Variants in CDK8 observed in about 807,000 individuals in gnomAD.
The protein encoded by CDK8 is cyclin dependent kinase 8, also known as cyclin-dependent kinase 8.
CDK8 carries 29 observed loss-of-function variants against 71.5 expected under a neutral mutation model. The observed-to-expected ratio is 0.41, with a 90% CI of 0.30 to 0.55. The LOEUF (loss-of-function observed/expected upper bound fraction) is 0.55. Among genes scored for constraint, CDK8 ranks in the 20% least tolerant of loss-of-function variants. CDK8 has a pLI of 0.37. For synonymous variants in CDK8, 161 were observed against 192.1 expected, an observed-to-expected ratio of 0.84 and a Z score of 1.34; for missense variants, 288 against 572.6, an observed-to-expected ratio of 0.50 and a Z score of 5.07.
intron 1 of CDK8, among the ~76,000 whole-genome samples, chr13:26,332,043 C>T (rs2137964618): frequency 6.6e-6 from 1 of 152,174 alleles, no homozygotes; most frequent in East Asian, 1.9e-4. Flanking sequence ...GTTAGATTTA[C>T]TCCTGGGTAT....
In CDK8 at chr13:26,397,326, A is replaced by G. The variant is rs1050410161; in HGVS notation, c.933+101A>G. The stretch of plus-strand genomic sequence containing the variant: ...CAATTTATGTGGTTACTTAGCTAGC[A>G]CTCAGAGTGCTTTCATGGTAAATGC... On this transcript the variant is annotated intron_variant, in intron 9 of 12. Coordinates refer to ENST00000381527, the MANE Select transcript of CDK8 (RefSeq NM_001260.3). 1.5e-5 allele frequency: 10 copies of G among 678,202 alleles called. No homozygotes were observed. The African/African-American group carries it at 1.6e-4, about 11-fold the overall frequency. 42.0% of individuals were successfully genotyped at this position (678,202 alleles called of 1,614,324 possible).
rs1159755211 is a variant in CDK8 at position 26,254,681 on chromosome 13, G to A, written c.40G>A (p.Glu14Lys). 2 of 1,612,730 alleles carry A rather than the reference G, an allele frequency of 1.2e-6. No homozygotes were observed. The highest frequency in any genetic ancestry group is 1.1e-5 in the South Asian group (1 of 90,708). Residue 14 changes from glutamate (E) to lysine (K), a missense_variant, in exon 1 of 13, where the codon GAG becomes AAG. Glu to Lys is a moderately conservative substitution (Grantham distance 56). Around this residue, in one of 6 missense-constraint regions of CDK8, gnomAD observed 19 missense variants for 24.4 expected, o/e 0.78. Transcript: ENST00000381527. The surrounding 1 kb of genome is among the most constrained non-coding windows in gnomAD (Gnocchi z 6.7). The stretch of plus-strand genomic sequence containing the variant: ...TAAAGTGAAGCTGAGCAGCGAGCGG[G>A]AGCGGGTCGAGGACCTGTTTGAATA... ...DFKVKLSSER[E>K]RVEDLFEYEG...
intron 2 of CDK8, among the ~76,000 whole-genome samples, chr13:26,338,122 T>C (rs1480921107): frequency 6.6e-6 from 1 of 152,112 alleles, no homozygotes; most frequent in Non-Finnish European, 1.5e-5. Context: ...GATTAGAATC[T>C]CATTTTGATT....
intron 1 of CDK8, among the ~76,000 whole-genome samples, chr13:26,320,580 G>A (rs953443490): frequency 1.3e-5 from 2 of 152,070 alleles, no homozygotes; most frequent in Admixed American, 6.6e-5. Flanking sequence ...TATCAACACA[G>A]TAAAAAGGCA....
intron 1 of CDK8, among the ~76,000 whole-genome samples, chr13:26,336,976 G>T (rs1011272748): frequency 3.3e-5 from 5 of 151,666 alleles, no homozygotes; most frequent in Admixed American, 6.6e-5. Flanking sequence ...TTTTAAGCCG[G>T]TAGACACAGA....
intron 3 of CDK8, among the ~76,000 whole-genome samples, chr13:26,351,868 ATAGT>A (rs1294874561): frequency 6.6e-6 from 1 of 152,214 alleles, no homozygotes; most frequent in African/African-American, 2.4e-5. Context: ...CGCAATAAAA[ATAGT>A]TATTTTTAAA....
At chr13:26,376,892 C>T (rs1013086577) in intron 4 of CDK8, among the ~76,000 whole-genome samples, 7 of 152,166 alleles carry the variant, frequency 4.6e-5, no homozygotes, top group Admixed American at 2.0e-4. Flanking sequence ...AGACCATTGA[C>T]GAAAGACCAT....
rs553508554 is a variant in CDK8 at position 26,361,784 on chromosome 13, C to CTTTTTTTTTTT, written c.456+7923_456+7933dup. Among the ~76,000 whole-genome samples the CTTTTTTTTTTT allele has an allele frequency of 1.7e-3, 109 of 63,350 alleles. 8 individuals carry two copies. The highest frequency in any genetic ancestry group is 5.3e-3 in the African/African-American group (75 of 14,236). 41.6% of individuals were successfully genotyped at this position (63,350 alleles called of 152,430 possible). On this transcript the variant is annotated intron_variant, in intron 4 of 12. Coordinates refer to ENST00000381527, the MANE Select transcript of CDK8 (RefSeq NM_001260.3). ...TCTTTTTGTCTTTCTTTTCTTTTCC[C>CTTTTTTTTTTT]TTTTTTTTTTTTTTTTTTTTTTTTT... is the stretch of plus-strand genomic sequence containing the variant.
intron 1 of CDK8, among the ~76,000 whole-genome samples, chr13:26,311,609 A>G (rs1386383906): frequency 6.6e-6 from 1 of 152,188 alleles, no homozygotes; most frequent in Non-Finnish European, 1.5e-5. Context: ...CCAGAGAACA[A>G]GTCTTTCTCA....
intron 1 of CDK8, among the ~76,000 whole-genome samples, chr13:26,312,086 G>A (rs59491188): frequency 0.058 from 8,832 of 152,158 alleles, 866 homozygotes; most frequent in African/African-American, 0.2. Flanking sequence ...TCTAGCTAAA[G>A]GATTGTAAAT....
At chr13:26,306,622 CTTTT>C (rs554661537) in intron 1 of CDK8, among the ~76,000 whole-genome samples, 3 of 126,698 alleles carry the variant, frequency 2.4e-5, no homozygotes, top group African/African-American at 8.9e-5. Context: ...CCTTATTGCT[CTTTT>C]TTTTTTTTTT....
In CDK8 at chr13:26,404,956, T is replaced by A. The variant is rs1876443256; in HGVS notation, c.*875T>A. 2 of 201,558 alleles carry A rather than the reference T, an allele frequency of 9.9e-6. No individual in the cohort carries two copies. Among genetic ancestry groups the A allele is most frequent in the East Asian group, 1.5e-4 (2 of 13,014 alleles). 12.5% of individuals were successfully genotyped at this position (201,558 alleles called of 1,614,324 possible). On this transcript the variant is annotated 3_prime_UTR_variant, in exon 13 of 13. Transcript: ENST00000381527. The stretch of plus-strand genomic sequence containing the variant: ...AAGGTGCGGCATCCAATTCAAATAT[T>A]TTCGTCCTGATTTTAAAGCTGGTTG...
chr13:26,290,434 C>G (rs1873240076), intron 1 of CDK8, among the ~76,000 whole-genome samples: 1 of 152,060 alleles, frequency 6.6e-6, no homozygotes, highest in East Asian at 1.9e-4. Flanking sequence ...GTGAAACTCA[C>G]CTGATTATAG....
rs181754164 is a variant in CDK8 at position 26,324,242 on chromosome 13, G to A, written c.129-13325G>A. Among the ~76,000 whole-genome samples the A allele has an allele frequency of 2.0e-3, 42 of 20,624 alleles. No homozygotes were observed. The Admixed American group carries it at 0.028, about 14-fold the overall frequency. The allele number at this position is 20,624 out of a possible 152,430, so 13.5% of individuals were successfully genotyped here. A position where few individuals can be genotyped will look rare whatever the true frequency, so the allele number is the denominator to read the frequency against. On this transcript the variant is annotated intron_variant, in intron 1 of 12. Coordinates refer to ENST00000381527, the MANE Select transcript of CDK8 (RefSeq NM_001260.3). ...ATTGTGTTGCTAATGGTGCAATAAA[G>A]ACTCTCCATGTGAGGCAGAGTTGTA... is the stretch of plus-strand genomic sequence containing the variant.
intron 1 of CDK8, among the ~76,000 whole-genome samples, chr13:26,291,600 G>T (rs1873303755): frequency 6.6e-6 from 1 of 152,120 alleles, no homozygotes; most frequent in Non-Finnish European, 1.5e-5. Flanking sequence ...CATGATTTTT[G>T]ATTACAAGAA....
At chr13:26,256,918 T>A (rs1162338481) in intron 1 of CDK8, among the ~76,000 whole-genome samples, 1 of 152,146 alleles carries the variant, frequency 6.6e-6, no homozygotes, top group Non-Finnish European at 1.5e-5. Context: ...TTTAGAGAGT[T>A]TTAAAATTAC....
chr13:26,316,419 C>T (rs1182218798), intron 1 of CDK8, among the ~76,000 whole-genome samples: 2 of 152,082 alleles, frequency 1.3e-5, no homozygotes, highest in East Asian at 3.9e-4. Context: ...ATCATTTTTC[C>T]TCCTCCCATT....
intron 1 of CDK8, among the ~76,000 whole-genome samples, chr13:26,315,242 A>G (rs566054959): frequency 6.6e-6 from 1 of 152,340 alleles, no homozygotes; most frequent in Non-Finnish European, 1.5e-5. Context: ...GATCATAGAT[A>G]TGTGAATGAT....
At chr13:26,397,257 C>T (rs1405277799) in intron 9 of CDK8, 32 bp downstream of exon 9, 5 of 1,399,932 alleles carry the variant, frequency 3.6e-6, no homozygotes, top group Non-Finnish European at 5.0e-6. Flanking sequence ...TAATGAAATG[C>T]ATTTTTTCCT....
Sources: allele counts gnomAD v4.1 joint callset (sites outside exome capture counted in the v4.1 genomes callset), GRCh38; gene constraint gnomAD v4.1.1; regional missense constraint gnomAD v4.1.1; non-coding constraint Gnocchi (gnomAD v3.1); transcripts MANE v1.5; gene names NCBI Gene and HGNC (gene_info 2026-07-23, HGNC 2026-07-21).